Variants in FAM131C observed in about 807,000 individuals in gnomAD.
FAM131C encodes the protein family with sequence similarity 131 member C.
Under a neutral mutation model 29.8 loss-of-function variants are expected in FAM131C, and 14 were observed. The observed-to-expected ratio is 0.47, with a 90% CI of 0.31 to 0.73. The LOEUF (loss-of-function observed/expected upper bound fraction) is 0.73. FAM131C is among the 30% of genes least tolerant of loss of function. The pLI is 0.05. For missense variants in FAM131C, 252 were observed against 383.8 expected (o/e 0.66, Z 2.87); for synonymous variants, 86 against 157.8 (o/e 0.54, Z 3.41).
In FAM131C at chr1:16,065,256, G is replaced by A. The variant is rs552630479; in HGVS notation, c.23-1620C>T. On this transcript the variant is annotated intron_variant, in intron 1 of 6. Coordinates refer to ENST00000375662, the MANE Select transcript of FAM131C (RefSeq NM_182623.3). ...ACTACAACCCTGGGAGTTTCTCAGG[G>A]TCCTGCCTTCCCCCACTCTCCCCGG... Among the ~76,000 whole-genome samples, 363 of 152,124 alleles carry A rather than the reference G, an allele frequency of 2.4e-3. 1 individual carries two copies. Among genetic ancestry groups the A allele is most frequent in the African/African-American group, 8.5e-3 (352 of 41,492 alleles).
intron 1 of FAM131C, among the ~76,000 whole-genome samples, chr1:16,072,691 C>G (rs1001597918): frequency 6.6e-6 from 1 of 152,120 alleles, no homozygotes; most frequent in African/African-American, 2.4e-5. Context: ...CCCCTCCTCA[C>G]AGATAGAAGA....
chr1:16,073,421 C>T lies in FAM131C; in HGVS notation c.22G>A (p.Asp8Asn). Residue 8 changes from aspartate to asparagine, a missense_variant and splice_region_variant, in exon 1 of 7, where the codon GAC becomes AAC. Asp to Asn is a conservative substitution (Grantham distance 23, BLOSUM62 1). This residue lies in a region of FAM131C where 76 missense variants were observed against 62.8 expected (regional missense o/e 1.21). Transcript: ENST00000375662. ...CCCGCCCCCGGCCGGGCCCCCTCACCTCGCGACACGCAGGAGCCCATCACG... is the reference window on the plus strand; with the variant it reads ...CCCGCCCCCGGCCGGGCCCCCTCACTTCGCGACACGCAGGAGCCCATCACG... MGSCVSR[D>N]LFTSAHKNCP... 8.2e-7 allele frequency: 1 copy of T among 1,212,898 alleles called. No individual in the cohort carries two copies. Among genetic ancestry groups the T allele is most frequent in the Non-Finnish European group, 1.0e-6 (1 of 975,280 alleles). The allele number at this position is 1,212,898 out of a possible 1,614,324, so 75.1% of individuals were successfully genotyped here. A position where few individuals can be genotyped will look rare whatever the true frequency, so the allele number is the denominator to read the frequency against.
At chr1:16,064,986 C>G (rs923895558) in intron 1 of FAM131C, among the ~76,000 whole-genome samples, 2 of 152,196 alleles carry the variant, frequency 1.3e-5, no homozygotes, top group African/African-American at 2.4e-5. Flanking sequence ...CCCTGGCTCA[C>G]CCCTGCCCGT....
chr1:16,065,969 G>A (rs1195846250), intron 1 of FAM131C, among the ~76,000 whole-genome samples: 3 of 151,704 alleles, frequency 2.0e-5, no homozygotes, highest in African/African-American at 7.3e-5. Context: ...GCGTGATCTC[G>A]ACTCACTCTA....
chr1:16,073,028 G>C (rs911487147), intron 1 of FAM131C, among the ~76,000 whole-genome samples: 1 of 152,126 alleles, frequency 6.6e-6, no homozygotes, highest in African/African-American at 2.4e-5. Flanking sequence ...CCTGTGTCTT[G>C]GGGAGGGGTG....
At chr1:16,064,703 C>T (rs1425020993) in intron 1 of FAM131C, among the ~76,000 whole-genome samples, 2 of 152,194 alleles carry the variant, frequency 1.3e-5, no homozygotes, top group Non-Finnish European at 2.9e-5. Context: ...GCGACTTGGC[C>T]GTTCCTCTGC....
At chr1:16,060,961 CG>C (rs1286499629) in intron 4 of FAM131C, among the ~76,000 whole-genome samples, 2 of 151,816 alleles carry the variant, frequency 1.3e-5, no homozygotes, top group Non-Finnish European at 2.9e-5. Context: ...GAGGAGGGGT[CG>C]GGGGCTTTGG....
At chr1:16,060,416 C>T (rs2124124730) in intron 4 of FAM131C, among the ~76,000 whole-genome samples, 1 of 134,928 alleles carries the variant, frequency 7.4e-6, no homozygotes, top group African/African-American at 2.5e-5. Context: ...AAGTTCAGAC[C>T]CTTCCATCCA....
At chr1:16,063,923 T>C (rs1293638025) in intron 1 of FAM131C, among the ~76,000 whole-genome samples, 1 of 151,968 alleles carries the variant, frequency 6.6e-6, no homozygotes, top group Non-Finnish European at 1.5e-5. Context: ...TTAATCCATT[T>C]ACCCTCATAT....
At chr1:16,061,312 G>A (rs1456565535) in intron 4 of FAM131C, among the ~76,000 whole-genome samples, 3 of 152,070 alleles carry the variant, frequency 2.0e-5, no homozygotes, top group Non-Finnish European at 2.9e-5. Context: ...TGGAGGAAAG[G>A]CACAGGCCAA....
intron 1 of FAM131C, among the ~76,000 whole-genome samples, chr1:16,067,252 G>A (rs1041665177): frequency 2.0e-5 from 3 of 152,188 alleles, no homozygotes; most frequent in South Asian, 2.1e-4. Context: ...CCATGGGGAC[G>A]TCAGGTAATG....
At chr1:16,072,517 T>C (rs1212702997) in intron 1 of FAM131C, among the ~76,000 whole-genome samples, 2 of 152,106 alleles carry the variant, frequency 1.3e-5, no homozygotes, top group African/African-American at 4.8e-5. Context: ...CTGATCCCAC[T>C]GTGGGGTGAA....
intron 1 of FAM131C, among the ~76,000 whole-genome samples, chr1:16,065,122 C>A (rs72887133): frequency 0.041 from 6,296 of 152,268 alleles, 244 homozygotes; most frequent in African/African-American, 0.089. Flanking sequence ...GAGCTCCCAA[C>A]TGAGTTTCCA....
At chr1:16,065,029 A>C in intron 1 of FAM131C, among the ~76,000 whole-genome samples, 1 of 150,310 alleles carries the variant, frequency 6.7e-6, no homozygotes, top group Non-Finnish European at 1.5e-5. Flanking sequence ...GCCCTTCTCC[A>C]CCCTCTCTCC....
intron 1 of FAM131C, among the ~76,000 whole-genome samples, chr1:16,067,101 G>A (rs990815886): frequency 1.2e-4 from 18 of 152,186 alleles, no homozygotes; most frequent in Admixed American, 2.6e-4. Flanking sequence ...TTGTTGAGAC[G>A]GTGGTGGGCT....
chr1:16,058,456 T>A lies in FAM131C; in HGVS notation c.824A>T (p.Asp275Val), dbSNP rs1255802134. 3 of 1,474,404 alleles carry A rather than the reference T, an allele frequency of 2.0e-6. No homozygotes were observed. The highest frequency in any genetic ancestry group is 1.8e-6 in the Non-Finnish European group (2 of 1,116,106). 91.3% of individuals were successfully genotyped at this position (1,474,404 alleles called of 1,614,324 possible). A position where few individuals can be genotyped will look rare whatever the true frequency, so the allele number is the denominator to read the frequency against. ...CCCACCTCAGTTATAGAACACCTCG[T>A]CCTCCTCCCAGAGGGAGCCGCTGTC... ...SMDSGSLWEEDEVFYN is the reference protein window; with the variant it reads ...SMDSGSLWEEVEVFYN The change falls in exon 7 of 7, where the codon GAC becomes GTC. Residue 275 changes from aspartate (D) to valine (V), a missense_variant. Asp to Val is a radical substitution (Grantham distance 152). Coordinates refer to ENST00000375662, the MANE Select transcript of FAM131C (RefSeq NM_182623.3).
Position 16,073,459 on chromosome 1 carries a change from C to T in FAM131C, c.-17G>A. 1 of 1,201,802 alleles carries T rather than the reference C, an allele frequency of 8.3e-7. No individual in the cohort carries two copies. The highest frequency in any genetic ancestry group is 4.2e-5 in the South Asian group (1 of 24,068). The allele number at this position is 1,201,802 out of a possible 1,614,324, so 74.4% of individuals were successfully genotyped here. A position where few individuals can be genotyped will look rare whatever the true frequency, so the allele number is the denominator to read the frequency against. On this transcript the variant is annotated 5_prime_UTR_variant, in exon 1 of 7. Transcript: ENST00000375662. ...GGAGCCCATCACGGGGCCGCGGGGC[C>T]GGGCCGCTGCGCCCGGGGTGCGTGG...
chr1:16,072,655 C>T (rs934959693), intron 1 of FAM131C, among the ~76,000 whole-genome samples: 14 of 152,198 alleles, frequency 9.2e-5, no homozygotes, highest in South Asian at 4.1e-4. Context: ...CTGCCCATCC[C>T]CCAATCTCTG....
chr1:16,069,520 C>A (rs1557481170), intron 1 of FAM131C, among the ~76,000 whole-genome samples: 1 of 152,226 alleles, frequency 6.6e-6, no homozygotes, highest in Non-Finnish European at 1.5e-5. Flanking sequence ...CATTGGATAC[C>A]CCCAAGGTGG....
Sources: allele counts gnomAD v4.1 joint callset (sites outside exome capture counted in the v4.1 genomes callset), GRCh38; gene constraint gnomAD v4.1.1; regional missense constraint gnomAD v4.1.1; transcripts MANE v1.5; gene names NCBI Gene and HGNC (gene_info 2026-07-23, HGNC 2026-07-21).